Variants in NDUFAF5 observed in about 807,000 individuals in gnomAD.
NDUFAF5 encodes the protein NADH:ubiquinone oxidoreductase complex assembly factor 5, also known as arginine-hydroxylase NDUFAF5, mitochondrial.
Under a neutral mutation model 48.9 loss-of-function variants are expected in NDUFAF5, and 34 were observed. The ratio of observed to expected loss-of-function variants is 0.70; its 90% CI spans 0.53 to 0.93. The LOEUF is 0.93. Ranked by LOEUF, NDUFAF5 falls within the 40% of genes least tolerant of loss-of-function variation. NDUFAF5 has a pLI of 0.00. For synonymous variants in NDUFAF5, 153 were observed against 150.6 expected, an observed-to-expected ratio of 1.02 and a Z score of -0.12; for missense variants, 428 against 427.5, an observed-to-expected ratio of 1.00 and a Z score of -0.01.
chr20:13,794,919 G>T lies in NDUFAF5; in HGVS notation c.457G>T (p.Asp153Tyr). ...EFLPFKENTF[D>Y]LVVSSLSLHW... Reference sequence around the variant, plus strand: ...CCTTCCCTTCAAAGAAAATACATTTGACCTGGTGGTTAGCAGTTTAAGGTT... The same window carrying T: ...CCTTCCCTTCAAAGAAAATACATTTTACCTGGTGGTTAGCAGTTTAAGGTT... Residue 153 changes from aspartate (D) to tyrosine (Y), a missense_variant, in exon 5 of 11, where the codon GAC becomes TAC. Asp to Tyr is a radical substitution (Grantham distance 160). Coordinates refer to ENST00000378106, the MANE Select transcript of NDUFAF5 (RefSeq NM_024120.5). 1.2e-6 allele frequency: 2 copies of T among 1,610,880 alleles called. No individual in the cohort carries two copies. The highest frequency in any genetic ancestry group is 2.2e-5 in the South Asian group (2 of 90,992).
Position 13,818,356 on chromosome 20 carries a change from T to C in NDUFAF5, c.*1146T>C. On this transcript the variant is annotated 3_prime_UTR_variant, in exon 11 of 11. Transcript: ENST00000378106. ...TCCCTTCAGTTTGAAAAATCATCGA[T>C]ATTTGAAACTGGGATACGCTTGGTA... 2.6e-6 allele frequency: 1 copy of C among 385,876 alleles called. No homozygotes were observed. The highest frequency in any genetic ancestry group is 5.1e-6 in the Non-Finnish European group (1 of 194,478). The allele number at this position is 385,876 out of a possible 1,614,324, so 23.9% of individuals were successfully genotyped here.
Position 13,785,259 on chromosome 20 carries a change from A to T in NDUFAF5, c.191A>T (p.Glu64Val). 1 of 1,612,714 alleles carries T rather than the reference A, an allele frequency of 6.2e-7. No individual in the cohort carries two copies. The highest frequency in any genetic ancestry group is 8.5e-7 in the Non-Finnish European group (1 of 1,179,482). The change falls in exon 1 of 11, where the codon GAG (glutamate) becomes GTG (valine). Residue 64 changes from glutamate (E) to valine (V), a missense_variant. Physicochemically the swap from Glu to Val is moderately radical, Grantham distance 121 (BLOSUM62 -2). Transcript: ENST00000378106. The part of the protein sequence containing the change: ...KQKNWAARQP[E>V]PTKFDYLKEE... ...AAGAACTGGGCAGCCCGGCAGCCCG[A>T]GCCGACCAAATTTGACTACCTGAAG...
In NDUFAF5 at chr20:13,821,544, T is replaced by C. The variant is rs966284008; in HGVS notation, c.*4334T>C. ...AGCTAAGCCACTCTCAAATATCTTA[T>C]CTACAGAAACTGAGATGATAAATGT... On this transcript the variant is annotated 3_prime_UTR_variant, in exon 11 of 11. Transcript: ENST00000378106. The C allele has an allele frequency of 2.0e-5, 3 of 152,250 alleles. No homozygotes were observed. Among genetic ancestry groups the C allele is most frequent in the African/African-American group, 7.2e-5 (3 of 41,460 alleles). 9.4% of individuals were successfully genotyped at this position (152,250 alleles called of 1,614,324 possible).
chr20:13,794,341 G>C (rs578125176), intron 4 of NDUFAF5, among the ~76,000 whole-genome samples: 2 of 151,582 alleles, frequency 1.3e-5, no homozygotes, highest in Non-Finnish European at 2.9e-5. Flanking sequence ...GTGCAGTGGT[G>C]CGATCTCAGC....
intron 7 of NDUFAF5, among the ~76,000 whole-genome samples, chr20:13,805,015 C>T (rs1201791773): frequency 6.6e-6 from 1 of 152,110 alleles, no homozygotes; most frequent in African/African-American, 2.4e-5. Flanking sequence ...ATTTATTTTA[C>T]TTATAATATG....
chr20:13,820,911 G>A lies in NDUFAF5; in HGVS notation c.*3701G>A, dbSNP rs1050042939. On this transcript the variant is annotated 3_prime_UTR_variant, in exon 11 of 11. Coordinates refer to ENST00000378106, the MANE Select transcript of NDUFAF5 (RefSeq NM_024120.5). ...CTTAAGAAATATTTTGAGCTTTTTT[G>A]GGGAGGGGTTGTGGTTAATGATGTG... 2 of 152,116 alleles carry A rather than the reference G, an allele frequency of 1.3e-5. No individual in the cohort carries two copies. The highest frequency in any genetic ancestry group is 4.8e-5 in the African/African-American group (2 of 41,410). 9.4% of individuals were successfully genotyped at this position (152,116 alleles called of 1,614,324 possible). A position where few individuals can be genotyped will look rare whatever the true frequency, so the allele number is the denominator to read the frequency against.
intron 3 of NDUFAF5, among the ~76,000 whole-genome samples, chr20:13,791,827 T>G (rs1156492717): frequency 6.6e-6 from 1 of 152,206 alleles, no homozygotes; most frequent in African/African-American, 2.4e-5. Flanking sequence ...AGTCTATCCA[T>G]AGTAGTGTTC....
At position 13,801,732 on chromosome 20, in the gene NDUFAF5, ACTT is replaced by A. The variant is rs776945589; in HGVS notation, c.717+53_717+55del. 21 of 1,476,182 alleles carry A rather than the reference ACTT, an allele frequency of 1.4e-5. No individual in the cohort carries two copies. The East Asian group carries it at 2.9e-4, about 21-fold the overall frequency. 91.4% of individuals were successfully genotyped at this position (1,476,182 alleles called of 1,614,324 possible). On this transcript the variant is annotated intron_variant, in intron 7 of 10. Coordinates refer to ENST00000378106, the MANE Select transcript of NDUFAF5 (RefSeq NM_024120.5). ...CATAACTTACACAGTTCAAAAAAGA[ACTT>A]CTTATCATTTTAAAGATAGAAAACT...
chr20:13,810,182 A>G (rs1985666928), intron 8 of NDUFAF5, among the ~76,000 whole-genome samples: 1 of 152,200 alleles, frequency 6.6e-6, no homozygotes, highest in South Asian at 2.1e-4. Flanking sequence ...GTGAGCAGAC[A>G]AAGTGGCTTG....
chr20:13,801,704 A>G (rs1555834885), intron 7 of NDUFAF5, 21 bp downstream of exon 7: 2 of 1,596,194 alleles, frequency 1.3e-6, no homozygotes, highest in Non-Finnish European at 1.7e-6. Context: ...AGTTCGATTA[A>G]CCCATAACTT....
chr20:13,791,961 A>C (rs2147501918), intron 3 of NDUFAF5, among the ~76,000 whole-genome samples: 1 of 152,312 alleles, frequency 6.6e-6, no homozygotes, highest in South Asian at 2.1e-4. Context: ...CATCATATTG[A>C]TAGCTTGACA....
chr20:13,814,939 G>A (rs567646093), intron 8 of NDUFAF5, among the ~76,000 whole-genome samples: 1 of 152,258 alleles, frequency 6.6e-6, no homozygotes, highest in East Asian at 1.9e-4. Context: ...AGGGAAGGCT[G>A]GAGTGCTGCA....
chr20:13,816,139 T>G, intron 8 of NDUFAF5: 1 of 399,934 alleles, frequency 2.5e-6, no homozygotes, highest in Non-Finnish European at 4.7e-6. Context: ...TCTTGCCAAT[T>G]GCTGACAACT....
In NDUFAF5 at chr20:13,818,094, A is replaced by G. The variant is rs111717955; in HGVS notation, c.*884A>G. 2.6e-3 allele frequency: 1,202 copies of G among 454,054 alleles called. 13 individuals are homozygous for G. Among genetic ancestry groups the G allele is most frequent in the African/African-American group, 0.019 (946 of 50,106 alleles). 28.1% of individuals were successfully genotyped at this position (454,054 alleles called of 1,614,324 possible). ...CATCTTCAGCCTTCAGTGATCTATAATAGCATTTCCTTCTGTCTCCTCTCA... is the reference window on the plus strand; with the variant it reads ...CATCTTCAGCCTTCAGTGATCTATAGTAGCATTTCCTTCTGTCTCCTCTCA... On this transcript the variant is annotated 3_prime_UTR_variant, in exon 11 of 11. Coordinates refer to ENST00000378106, the MANE Select transcript of NDUFAF5 (RefSeq NM_024120.5).
chr20:13,803,001 A>C (rs1167531662), intron 7 of NDUFAF5: 1 of 152,244 alleles, frequency 6.6e-6, no homozygotes, highest in African/African-American at 2.4e-5. Flanking sequence ...GGAAATAGGA[A>C]TTTCTTGATG....
At chr20:13,807,149 C>T (rs1350867860) in intron 7 of NDUFAF5, among the ~76,000 whole-genome samples, 2 of 151,880 alleles carry the variant, frequency 1.3e-5, no homozygotes, top group Non-Finnish European at 2.9e-5. Flanking sequence ...CGGGTTCAAG[C>T]GATTATGCTG....
chr20:13,789,666 C>T (rs941049499), intron 3 of NDUFAF5, among the ~76,000 whole-genome samples: 13 of 151,656 alleles, frequency 8.6e-5, no homozygotes, highest in African/African-American at 2.7e-4. Context: ...TTAGTAGAGA[C>T]GGGGTTTCAC....
intron 3 of NDUFAF5, among the ~76,000 whole-genome samples, chr20:13,789,651 A>T (rs1981940577): frequency 6.7e-6 from 1 of 149,656 alleles, no homozygotes. Context: ...AATTTTTTGT[A>T]TTTTTTAGTA....
intron 9 of NDUFAF5, 60 bp from the exon 10 acceptor site, chr20:13,816,815 T>G: frequency 9.1e-7 from 1 of 1,094,706 alleles, no homozygotes; most frequent in Non-Finnish European, 1.4e-6. Flanking sequence ...TGACCTTTAT[T>G]GAGCAGAAAT....
Sources: gnomAD v4.1 joint callset for allele counts (sites outside exome capture counted in the v4.1 genomes callset) on GRCh38, gnomAD v4.1.1 for gene constraint, MANE v1.5 for transcripts, NCBI Gene and HGNC (gene_info 2026-07-23, HGNC 2026-07-21) for gene names.